The following RNF130 variants were observed in gnomAD, a reference collection of about 807,000 sequenced individuals.
The protein encoded by RNF130 is E3 ubiquitin-protein ligase RNF130.
A neutral mutation model predicts 44.6 loss-of-function variants in RNF130; 21 were observed. That is an observed-to-expected ratio of 0.47 (90% CI 0.33 to 0.68). RNF130 has a LOEUF of 0.68. Among genes scored for constraint, RNF130 ranks in the 30% least tolerant of loss-of-function variants. RNF130 has a pLI of 0.02. For missense variants in RNF130, 479 were observed against 560.6 expected, an observed-to-expected ratio of 0.85 and a Z score of 1.47; for synonymous variants, 214 against 210.4, an observed-to-expected ratio of 1.02 and a Z score of -0.15.
chr5:179,946,169 C>T (rs1199913517), intron 7 of RNF130, among the ~76,000 whole-genome samples: 1 of 152,196 alleles, frequency 6.6e-6, no homozygotes, highest in Non-Finnish European at 1.5e-5. Context: ...AAGTATGTGA[C>T]CAAAGGCCCA....
At chr5:180,036,998 A>T (rs1364598394) in intron 2 of RNF130, among the ~76,000 whole-genome samples, 1 of 152,214 alleles carries the variant, frequency 6.6e-6, no homozygotes, top group Non-Finnish European at 1.5e-5. Flanking sequence ...TAAATGACTT[A>T]ATTAAAAAGT....
At chr5:180,055,259 AAAAAAAAAAAAAAAAAAAAAAC>A (rs748339675) in intron 1 of RNF130, among the ~76,000 whole-genome samples, 1,297 of 32,976 alleles carry the variant, frequency 0.039, 67 homozygotes, top group African/African-American at 0.12. Flanking sequence ...AAAAAAAAAA[AAAAAAAAAAAAAAAAAAAAAAC>A]AAAAAAAAAC....
At chr5:179,990,698 C>T (rs1240358452) in intron 3 of RNF130, among the ~76,000 whole-genome samples, 1 of 152,186 alleles carries the variant, frequency 6.6e-6, no homozygotes, top group African/African-American at 2.4e-5. Context: ...CAGACACTGG[C>T]GTTACCGCTA....
intron 7 of RNF130, among the ~76,000 whole-genome samples, chr5:179,942,288 T>C (rs10491478): frequency 0.24 from 36,963 of 151,240 alleles, 5,221 homozygotes; most frequent in East Asian, 0.48. Flanking sequence ...TACAAAGGTT[T>C]TAAATAACTG....
At chr5:180,003,276 G>A (rs920839997) in intron 3 of RNF130, among the ~76,000 whole-genome samples, 4 of 152,212 alleles carry the variant, frequency 2.6e-5, no homozygotes, top group African/African-American at 9.6e-5. Flanking sequence ...TGAGCCGTGT[G>A]AGAGCGCCTG....
intron 1 of RNF130, among the ~76,000 whole-genome samples, chr5:180,043,000 A>G (rs1764461862): frequency 6.6e-6 from 1 of 152,160 alleles, no homozygotes; most frequent in African/African-American, 2.4e-5. Flanking sequence ...ATCTCACAGA[A>G]TTTTACACGT....
At chr5:179,965,832 A>AAAACATGAAT (rs1561672039) in intron 7 of RNF130, among the ~76,000 whole-genome samples, 1 of 152,232 alleles carries the variant, frequency 6.6e-6, no homozygotes, top group Non-Finnish European at 1.5e-5. Flanking sequence ...TGGTTGGTTA[A>AAAACATGAAT]AAACATGAAT....
At chr5:179,989,632 G>T (rs1453279914) in intron 3 of RNF130, among the ~76,000 whole-genome samples, 1 of 152,056 alleles carries the variant, frequency 6.6e-6, no homozygotes, top group African/African-American at 2.4e-5. Context: ...CAGTCGATCT[G>T]TGTGTCTAGG....
chr5:180,037,450 C>T (rs1461245564), intron 2 of RNF130, among the ~76,000 whole-genome samples: 2 of 152,170 alleles, frequency 1.3e-5, no homozygotes, highest in Non-Finnish European at 2.9e-5. Context: ...ATCCTCCAAC[C>T]CGCACTCAGG....
intron 3 of RNF130, among the ~76,000 whole-genome samples, chr5:179,988,979 T>C (rs1763015851): frequency 6.6e-6 from 1 of 152,210 alleles, no homozygotes; most frequent in African/African-American, 2.4e-5. Context: ...GCGGGTGTAT[T>C]AGTCCGTTTT....
At chr5:179,983,184 T>TA (rs1341259174) in intron 3 of RNF130, among the ~76,000 whole-genome samples, 2 of 152,208 alleles carry the variant, frequency 1.3e-5, no homozygotes, top group Non-Finnish European at 2.9e-5. Context: ...TTTTCATTGG[T>TA]AGACTGTGCT....
downstream of RNF130, among the ~76,000 whole-genome samples, chr5:179,952,599 C>G (rs748894063): frequency 2.0e-5 from 3 of 152,124 alleles, no homozygotes; most frequent in Non-Finnish European, 4.4e-5. Context: ...AAATCCTCAG[C>G]AAAATACTAA....
downstream of RNF130, among the ~76,000 whole-genome samples, chr5:179,952,709 C>G (rs554389771): frequency 1.3e-5 from 2 of 152,182 alleles, no homozygotes; most frequent in Admixed American, 6.5e-5. Context: ...TAATGCACCA[C>G]ATTCATAGGA....
At chr5:179,926,683 G>A (rs1341788512) in intron 7 of RNF130, among the ~76,000 whole-genome samples, 1 of 152,052 alleles carries the variant, frequency 6.6e-6, no homozygotes, top group Non-Finnish European at 1.5e-5. Flanking sequence ...AAAAATCTCA[G>A]AGTTGTGTGA....
In RNF130 at chr5:179,984,953, A is replaced by C. The variant is rs931842485; in HGVS notation, c.694-4753T>G. Among the ~76,000 whole-genome samples the C allele has an allele frequency of 3.3e-5, 5 of 152,234 alleles. No homozygotes were observed. The South Asian group carries it at 1.0e-3, about 32-fold the overall frequency. On this transcript the variant is annotated intron_variant, in intron 3 of 8. Coordinates refer to ENST00000521389, the MANE Select transcript of RNF130 (RefSeq NM_018434.6). ...AATGCAAATATTCCAGAATCTGAAA[A>C]ATTTCTGGTCCAAAGCATTTTGGAT...
chr5:180,019,738 A>C (rs1384817988), intron 2 of RNF130, among the ~76,000 whole-genome samples: 1 of 152,242 alleles, frequency 6.6e-6, no homozygotes, highest in Non-Finnish European at 1.5e-5. Context: ...TTTCCTGCTG[A>C]GACTTGTCAG....
At chr5:180,046,428 T>C (rs910487653) in intron 1 of RNF130, among the ~76,000 whole-genome samples, 1 of 152,086 alleles carries the variant, frequency 6.6e-6, no homozygotes, top group Non-Finnish European at 1.5e-5. Context: ...CTTTGATTCA[T>C]TTGATTTAGT....
intron 7 of RNF130, among the ~76,000 whole-genome samples, chr5:179,932,904 G>A (rs1245420962): frequency 6.6e-6 from 1 of 152,144 alleles, no homozygotes; most frequent in African/African-American, 2.4e-5. Context: ...TTCTTGTAAT[G>A]CCCTTGTAAT....
At chr5:179,950,064 C>A (rs965553218) in intron 7 of RNF130, among the ~76,000 whole-genome samples, 1 of 152,154 alleles carries the variant, frequency 6.6e-6, no homozygotes, top group Non-Finnish European at 1.5e-5. Flanking sequence ...ATGATATTTT[C>A]TGAATCTCAT....
Sources: gnomAD v4.1 joint callset for allele counts (sites outside exome capture counted in the v4.1 genomes callset) on GRCh38, gnomAD v4.1.1 for gene constraint, MANE v1.5 for transcripts, NCBI Gene and HGNC (gene_info 2026-07-23, HGNC 2026-07-21) for gene names.